Variants in EPHA6 observed in about 807,000 individuals in gnomAD.
EPHA6 encodes ephrin type-A receptor 6.
A neutral mutation model predicts 112.0 loss-of-function variants in EPHA6; 50 were observed. That is an observed-to-expected ratio of 0.45 (90% CI 0.36 to 0.56). The LOEUF (loss-of-function observed/expected upper bound fraction) is 0.56. EPHA6 is among the 20% of genes least tolerant of loss of function. The probability of loss-of-function intolerance (pLI) is 0.00; values close to 1 mark genes in which losing one functional copy is unlikely to be tolerated. For missense variants in EPHA6, 1,280 were observed against 1,417.4 expected (o/e 0.90, Z 1.56); for synonymous variants, 529 against 490.7 (o/e 1.08, Z -1.03).
intron 6 of EPHA6, among the ~76,000 whole-genome samples, chr3:97,415,939 A>C (rs1168566009): frequency 6.6e-6 from 1 of 152,040 alleles, no homozygotes; most frequent in Non-Finnish European, 1.5e-5. Context: ...TTCAGAAAAA[A>C]ATCTAATTTT....
chr3:97,723,845 T>C (rs994666437), intron 15 of EPHA6, among the ~76,000 whole-genome samples: 3 of 152,200 alleles, frequency 2.0e-5, no homozygotes, highest in Non-Finnish European at 4.4e-5. Context: ...GCTTCACATA[T>C]TGGAAGTCAG....
intron 16 of EPHA6, among the ~76,000 whole-genome samples, chr3:97,737,645 A>G (rs2035324424): frequency 6.6e-6 from 1 of 152,080 alleles, no homozygotes; most frequent in South Asian, 2.1e-4. Context: ...CCATTTGAAC[A>G]TGCTGAGTTG....
intron 14 of EPHA6, among the ~76,000 whole-genome samples, chr3:97,690,143 T>C (rs1389680743): frequency 6.6e-6 from 1 of 152,232 alleles, no homozygotes; most frequent in Non-Finnish European, 1.5e-5. Flanking sequence ...CTTGGGTATA[T>C]CCCTAGAAGT....
Position 97,194,376 on chromosome 3 carries a change from T to G in EPHA6, c.1115-31888T>G, listed in dbSNP as rs2077385250. On this transcript the variant is annotated intron_variant, in intron 3 of 17. Coordinates refer to ENST00000389672, the MANE Select transcript of EPHA6 (RefSeq NM_001080448.3). ...AAGATTTTCATGTGTTTTGATAGTT[T>G]CTAATGTTCCTCTGGTTGTTGATTC... Among the ~76,000 whole-genome samples the G allele has an allele frequency of 2.0e-5, 3 of 152,002 alleles. No homozygotes were observed. The South Asian group carries it at 6.2e-4, about 31-fold the overall frequency.
intron 3 of EPHA6, among the ~76,000 whole-genome samples, chr3:97,114,704 T>C (rs1241041259): frequency 1.3e-5 from 2 of 152,072 alleles, no homozygotes; most frequent in Non-Finnish European, 2.9e-5. Flanking sequence ...AAGAAAAATG[T>C]CTTTTTTGCT....
At chr3:97,040,371 A>G (rs567109833) in intron 3 of EPHA6, among the ~76,000 whole-genome samples, 32 of 152,140 alleles carry the variant, frequency 2.1e-4, no homozygotes, top group African/African-American at 7.5e-4. Flanking sequence ...CTAAATATAG[A>G]TCATGTTTCA....
At chr3:97,571,047 G>A (rs2093327941) in intron 11 of EPHA6, among the ~76,000 whole-genome samples, 2 of 152,160 alleles carry the variant, frequency 1.3e-5, no homozygotes, top group South Asian at 4.1e-4. Flanking sequence ...GGAAAAAGAG[G>A]AGTCTGAAAC....
At chr3:96,890,207 A>G (rs1409289269) in intron 2 of EPHA6, among the ~76,000 whole-genome samples, 1 of 152,176 alleles carries the variant, frequency 6.6e-6, no homozygotes, top group Non-Finnish European at 1.5e-5. Flanking sequence ...AGAAACCAGT[A>G]AGAACAGCAA....
intron 5 of EPHA6, among the ~76,000 whole-genome samples, chr3:97,372,643 A>G (rs985491690): frequency 6.6e-6 from 1 of 152,194 alleles, no homozygotes; most frequent in African/African-American, 2.4e-5. Context: ...ATGCATTAAC[A>G]CAGGTACATT....
At chr3:97,314,730 C>A (rs1158227474) in intron 5 of EPHA6, among the ~76,000 whole-genome samples, 2 of 151,436 alleles carry the variant, frequency 1.3e-5, no homozygotes, top group African/African-American at 4.8e-5. Flanking sequence ...ATTAGGGAAG[C>A]AGAAGGAGTA....
intron 14 of EPHA6, among the ~76,000 whole-genome samples, chr3:97,649,306 G>C (rs926604007): frequency 6.6e-6 from 1 of 151,942 alleles, no homozygotes; most frequent in Admixed American, 6.6e-5. Context: ...TCACTACCAC[G>C]ACAACAGTAT....
intron 3 of EPHA6, among the ~76,000 whole-genome samples, chr3:97,176,033 T>C (rs1056177856): frequency 4.0e-5 from 6 of 151,836 alleles, no homozygotes; most frequent in Non-Finnish European, 1.5e-5. Context: ...GATACTAGCT[T>C]TGGTCTGTCA....
chr3:97,685,417 CTACAGTGT>C (rs2032177202), intron 14 of EPHA6, among the ~76,000 whole-genome samples: 2 of 152,188 alleles, frequency 1.3e-5, no homozygotes, highest in South Asian at 4.1e-4. Context: ...CTAGATTACA[CTACAGTGT>C]CATATAACCT....
At chr3:97,035,256 CT>C (rs562817651) in intron 3 of EPHA6, among the ~76,000 whole-genome samples, 1 of 152,040 alleles carries the variant, frequency 6.6e-6, no homozygotes, top group African/African-American at 2.4e-5. Context: ...TCTCAGCTCC[CT>C]TTTCCCCTGT....
chr3:97,251,996 T>G (rs2079154649), intron 5 of EPHA6, among the ~76,000 whole-genome samples: 1 of 152,062 alleles, frequency 6.6e-6, no homozygotes, highest in African/African-American at 2.4e-5. Flanking sequence ...CTTTATATTG[T>G]TCAGTGACCA....
At chr3:97,739,489 T>C (rs1298618152) in intron 16 of EPHA6, among the ~76,000 whole-genome samples, 1 of 152,148 alleles carries the variant, frequency 6.6e-6, no homozygotes, top group African/African-American at 2.4e-5. Flanking sequence ...CACAGTTTAA[T>C]AATTTTATAC....
chr3:97,562,219 C>T (rs1184305525), intron 11 of EPHA6, among the ~76,000 whole-genome samples: 1 of 152,114 alleles, frequency 6.6e-6, no homozygotes, highest in East Asian at 1.9e-4. Context: ...TTTCATAAAG[C>T]TATAGCTGCC....
chr3:97,415,873 G>A (rs935018457), intron 6 of EPHA6, among the ~76,000 whole-genome samples: 2 of 152,018 alleles, frequency 1.3e-5, no homozygotes, highest in African/African-American at 4.8e-5. Flanking sequence ...TTTGTTTGTT[G>A]ATTTAGTCAA....
At chr3:97,654,908 CT>C (rs2094128544) in intron 14 of EPHA6, among the ~76,000 whole-genome samples, 1 of 151,454 alleles carries the variant, frequency 6.6e-6, no homozygotes, top group South Asian at 2.1e-4. Flanking sequence ...AGAGCTCATT[CT>C]GGCTGTATAT....
Sources: gnomAD v4.1 joint callset for allele counts (sites outside exome capture counted in the v4.1 genomes callset) on GRCh38, gnomAD v4.1.1 for gene constraint, MANE v1.5 for transcripts, NCBI Gene and HGNC (gene_info 2026-07-23, HGNC 2026-07-21) for gene names.